Variants in KIF26B observed in about 807,000 individuals in gnomAD.
KIF26B encodes the protein kinesin-like protein KIF26B.
Under a neutral mutation model 151.2 loss-of-function variants are expected in KIF26B, and 63 were observed. The observed-to-expected ratio is 0.42, with a 90% CI of 0.34 to 0.51. The LOEUF (loss-of-function observed/expected upper bound fraction) is 0.51, where lower values mean the gene tolerates loss of function less well. Among genes scored for constraint, KIF26B ranks in the 20% least tolerant of loss-of-function variants. The pLI, the probability that KIF26B is intolerant of heterozygous loss-of-function variation, is 0.07. For missense variants in KIF26B, 2,813 were observed against 2,913.6 expected (o/e 0.97, Z 0.79); for synonymous variants, 1,357 against 1,262.1 (o/e 1.08, Z -1.59).
intron 4 of KIF26B, among the ~76,000 whole-genome samples, chr1:245,500,516 G>A (rs75037805): frequency 0.036 from 5,541 of 152,296 alleles, 358 homozygotes; most frequent in African/African-American, 0.13. Flanking sequence ...TGTAAGTAAC[G>A]TATTAATAAC....
rs533851846 is a variant in KIF26B, at chr1:245,460,037, T to G, written c.1166+40292T>G. On this transcript the variant is annotated intron_variant, in intron 4 of 14. Coordinates refer to ENST00000407071, the MANE Select transcript of KIF26B (RefSeq NM_018012.4). Reference sequence around the variant, plus strand: ...CTCTATCATCTAGGCTGGAGTGCAGTGGCATGGTATCGTCTCACTACAACC... The same window carrying G: ...CTCTATCATCTAGGCTGGAGTGCAGGGGCATGGTATCGTCTCACTACAACC... Among the ~76,000 whole-genome samples, 7 of 152,322 alleles carry G rather than the reference T, an allele frequency of 4.6e-5. No individual in the cohort carries two copies. The South Asian group carries it at 1.5e-3, about 32-fold the overall frequency.
At chr1:245,543,111 T>G (rs1195210902) in intron 5 of KIF26B, among the ~76,000 whole-genome samples, 2 of 152,142 alleles carry the variant, frequency 1.3e-5, no homozygotes, top group African/African-American at 4.8e-5. Context: ...CAAGGGTTGA[T>G]GTGGATGCAT....
chr1:245,698,351 CT>C lies in KIF26B; in HGVS notation c.6027+44del, dbSNP rs749916494. The C allele has an allele frequency of 3.9e-6, 6 of 1,549,650 alleles. No homozygotes were observed. The highest frequency in any genetic ancestry group is 5.3e-6 in the Non-Finnish European group (6 of 1,132,318). Reference sequence around the variant, plus strand: ...CCACCCCCTGCCTACGTGGTGGCAGCTCCCCACCAAGCCTGAGCAGGTGCTA... The same window carrying C: ...CCACCCCCTGCCTACGTGGTGGCAGCCCCCACCAAGCCTGAGCAGGTGCTA... On this transcript the variant is annotated intron_variant, in intron 13 of 14. Coordinates refer to ENST00000407071, the MANE Select transcript of KIF26B (RefSeq NM_018012.4). The surrounding 1 kb of genome is among the most constrained non-coding windows in gnomAD (Gnocchi z 4.0).
At position 245,702,525 on chromosome 1, in the gene KIF26B, G is replaced by A. The variant is rs768434758; in HGVS notation, c.6246G>A (p.Glu2082=). 3 of 1,613,960 alleles carry A rather than the reference G, an allele frequency of 1.9e-6. No individual in the cohort carries two copies. In the East Asian group the frequency reaches 6.7e-5, roughly 36 times the overall value. ...EYLEALECVT[E]RLESRVNFCK... ...TGGAGGCACTGGAGTGTGTGACGGAGCGCCTGGAGAGCCGTGTCAACTTCT... is the reference window on the plus strand; with the variant it reads ...TGGAGGCACTGGAGTGTGTGACGGAACGCCTGGAGAGCCGTGTCAACTTCT... Residue 2082 remains glutamate (E), a synonymous_variant, in exon 15 of 15, where the codon GAG becomes GAA. Transcript: ENST00000407071. The surrounding 1 kb of genome is among the most constrained non-coding windows in gnomAD (Gnocchi z 4.1).
chr1:245,222,546 T>C (rs1285130653), intron 2 of KIF26B, among the ~76,000 whole-genome samples: 1 of 152,200 alleles, frequency 6.6e-6, no homozygotes, highest in Non-Finnish European at 1.5e-5. Flanking sequence ...GGTGAATTTT[T>C]ATCTAATCTC....
rs146504060 is a variant in KIF26B, at chr1:245,588,216, T to C, written c.1351-14361T>C. 1.7e-3 allele frequency among the ~76,000 whole-genome samples: 255 copies of C among 152,318 alleles called. 1 individual carries two copies. The highest frequency in any genetic ancestry group is 5.8e-3 in the African/African-American group (242 of 41,570). On this transcript the variant is annotated intron_variant, in intron 5 of 14. Coordinates refer to ENST00000407071, the MANE Select transcript of KIF26B (RefSeq NM_018012.4). ...AGACTGGGATTAGGTAATTTTCACA[T>C]TGAGTTGGTACTTCCCTCCCTAACC...
intron 2 of KIF26B, among the ~76,000 whole-genome samples, chr1:245,257,539 G>A (rs1176967653): frequency 6.6e-6 from 1 of 152,146 alleles, no homozygotes; most frequent in African/African-American, 2.4e-5. Flanking sequence ...TTTTCTCCAT[G>A]GTCCTTGAAT....
chr1:245,535,974 G>GA (rs1661480656), intron 4 of KIF26B, among the ~76,000 whole-genome samples: 1 of 152,192 alleles, frequency 6.6e-6, no homozygotes, highest in African/African-American at 2.4e-5. Context: ...TAATAGTGAT[G>GA]ATGATGATGA....
Position 245,170,856 on chromosome 1 carries a change from G to A in KIF26B, c.465+14173G>A, listed in dbSNP as rs1668696070. 6.6e-6 allele frequency among the ~76,000 whole-genome samples: 1 copy of A among 152,192 alleles called. No individual in the cohort carries two copies. Among genetic ancestry groups the A allele is most frequent in the Non-Finnish European group, 1.5e-5 (1 of 68,030 alleles). ...TTCAGTCTGTTGCAGCAAGCATGAG[G>A]TCACTTGTCTAGACACTGACCCCTC... On this transcript the variant is annotated intron_variant, in intron 2 of 14. Transcript: ENST00000407071. This position sits in a 1 kb window ranked among gnomAD's most constrained non-coding sequence, Gnocchi z 4.4.
At chr1:245,259,695 G>A (rs1202730782) in intron 2 of KIF26B, among the ~76,000 whole-genome samples, 2 of 152,118 alleles carry the variant, frequency 1.3e-5, no homozygotes, top group Non-Finnish European at 2.9e-5. Context: ...ACTTTGGGAG[G>A]TCAAGGTGGG....
At chr1:245,527,885 C>T (rs1558200694) in intron 4 of KIF26B, among the ~76,000 whole-genome samples, 1 of 151,608 alleles carries the variant, frequency 6.6e-6, no homozygotes. Context: ...TAGGTGTTTA[C>T]AGTTCTTTTA....
intron 2 of KIF26B, among the ~76,000 whole-genome samples, chr1:245,184,050 G>GTTGTTTTTTTTT (rs1553332271): frequency 0.048 from 953 of 19,906 alleles, 113 homozygotes; most frequent in South Asian, 0.11. Flanking sequence ...GGGAGTTGTT[G>GTTGTTTTTTTTT]TTTTTTTTTT....
chr1:245,433,574 T>C (rs544585815), intron 4 of KIF26B, among the ~76,000 whole-genome samples: 1 of 152,246 alleles, frequency 6.6e-6, no homozygotes, highest in African/African-American at 2.4e-5. Context: ...TCATTCCAAG[T>C]ATTAGTGATA....
At chr1:245,185,738 G>T (rs2103530022) in intron 2 of KIF26B, among the ~76,000 whole-genome samples, 2 of 152,224 alleles carry the variant, frequency 1.3e-5, no homozygotes, top group African/African-American at 4.8e-5. Flanking sequence ...TCCCATGTGT[G>T]CTAATTTTCT....
rs1312730600 is a variant in KIF26B at position 245,709,089 on chromosome 1, A to T, written c.*6483A>T. Reference sequence around the variant, plus strand: ...TCAATAAAACTCATTTGTTAAAGTCAGAAATTCAACTCTTCTGTACTTGGG... The same window carrying T: ...TCAATAAAACTCATTTGTTAAAGTCTGAAATTCAACTCTTCTGTACTTGGG... On this transcript the variant is annotated 3_prime_UTR_variant, in exon 15 of 15. Transcript: ENST00000407071. The T allele has an allele frequency of 1.3e-5, 2 of 152,274 alleles. No individual in the cohort carries two copies. Among genetic ancestry groups the T allele is most frequent in the Non-Finnish European group, 2.9e-5 (2 of 68,054 alleles). 9.4% of individuals were successfully genotyped at this position (152,274 alleles called of 1,614,324 possible).
intron 4 of KIF26B, among the ~76,000 whole-genome samples, chr1:245,471,131 GTA>G (rs3068342): frequency 1.4e-4 from 21 of 149,290 alleles, no homozygotes; most frequent in East Asian, 4.0e-4. Context: ...GTGTGTGTGT[GTA>G]TATATATATA....
intron 10 of KIF26B, 57 bp from the exon 11 acceptor site, chr1:245,684,176 C>T: frequency 1.3e-6 from 2 of 1,575,714 alleles, no homozygotes; most frequent in South Asian, 1.2e-5. Flanking sequence ...AAGCCCTGCC[C>T]TGAGGGCCAC....
chr1:245,166,287 T>C lies in KIF26B; in HGVS notation c.465+9604T>C, dbSNP rs1233416262. Reference sequence around the variant, plus strand: ...TCCTTCCTTCCCTCTTTCCTTCCTTTTTTCCTTCCTTCCTTCCATCTGACA... The same window carrying C: ...TCCTTCCTTCCCTCTTTCCTTCCTTCTTTCCTTCCTTCCTTCCATCTGACA... On this transcript the variant is annotated intron_variant, in intron 2 of 14. Coordinates refer to ENST00000407071, the MANE Select transcript of KIF26B (RefSeq NM_018012.4). This position sits in a 1 kb window ranked among gnomAD's most constrained non-coding sequence, Gnocchi z 4.5. 1.3e-5 allele frequency among the ~76,000 whole-genome samples: 2 copies of C among 152,094 alleles called. No individual in the cohort carries two copies. The highest frequency in any genetic ancestry group is 2.9e-5 in the Non-Finnish European group (2 of 67,996).
At chr1:245,556,246 T>C (rs945047391) in intron 5 of KIF26B, among the ~76,000 whole-genome samples, 4 of 142,030 alleles carry the variant, frequency 2.8e-5, no homozygotes, top group African/African-American at 7.6e-5. Context: ...TTCTTCCTCC[T>C]TCTTCCTCCT....
Sources: allele counts gnomAD v4.1 joint callset (sites outside exome capture counted in the v4.1 genomes callset), GRCh38; gene constraint gnomAD v4.1.1; non-coding constraint Gnocchi (gnomAD v3.1); transcripts MANE v1.5; gene names NCBI Gene and HGNC (gene_info 2026-07-23, HGNC 2026-07-21).